The following TNFRSF10D variants were observed in gnomAD, a reference collection of about 807,000 sequenced individuals.
TNFRSF10D encodes the protein TNF receptor superfamily member 10d, also known as tumor necrosis factor receptor superfamily member 10D.
A neutral mutation model predicts 42.1 loss-of-function variants in TNFRSF10D; 28 were observed. The ratio of observed to expected loss-of-function variants is 0.66; its 90% CI spans 0.49 to 0.91. TNFRSF10D has a LOEUF of 0.91. Ranked by LOEUF, TNFRSF10D falls within the 40% of genes least tolerant of loss-of-function variation. TNFRSF10D has a pLI of 0.00. For missense variants in TNFRSF10D, 503 were observed against 486.1 expected (o/e 1.03, Z -0.33); for synonymous variants, 186 against 189.4 (o/e 0.98, Z 0.15).
intron 1 of TNFRSF10D, among the ~76,000 whole-genome samples, chr8:23,155,199 T>C (rs1800259343): frequency 6.6e-6 from 1 of 151,962 alleles, no homozygotes; most frequent in Non-Finnish European, 1.5e-5. Flanking sequence ...TATCATATTA[T>C]AACATAAAAT....
intron 7 of TNFRSF10D, among the ~76,000 whole-genome samples, chr8:23,142,802 T>C (rs1478484662): frequency 6.6e-6 from 1 of 152,186 alleles, no homozygotes; most frequent in African/African-American, 2.4e-5. Context: ...AAGTAATCCC[T>C]GTAATGTAAA....
intron 1 of TNFRSF10D, among the ~76,000 whole-genome samples, chr8:23,158,373 G>A (rs567235481): frequency 2.9e-4 from 44 of 152,268 alleles, no homozygotes; most frequent in Admixed American, 2.5e-3. Flanking sequence ...AGATAGCCAC[G>A]GCAGTTTTCT....
intron 6 of TNFRSF10D, 78 bp from the exon 7 acceptor site, chr8:23,144,713 C>T: frequency 6.6e-7 from 1 of 1,515,772 alleles, no homozygotes; most frequent in African/African-American, 1.4e-5. Flanking sequence ...CTGGACCTGC[C>T]ATCCCCAACC....
chr8:23,136,919 C>A lies in TNFRSF10D; in HGVS notation c.*951G>T, dbSNP rs1443920588. 1.3e-5 allele frequency: 2 copies of A among 152,130 alleles called. No individual in the cohort carries two copies. Among genetic ancestry groups the A allele is most frequent in the African/African-American group, 4.8e-5 (2 of 41,432 alleles). The allele number at this position is 152,130 out of a possible 1,614,324, so 9.4% of individuals were successfully genotyped here. A position where few individuals can be genotyped will look rare whatever the true frequency, so the allele number is the denominator to read the frequency against. On this transcript the variant is annotated 3_prime_UTR_variant, in exon 9 of 9. Coordinates refer to ENST00000312584, the MANE Select transcript of TNFRSF10D (RefSeq NM_003840.5). ...CAGTCTCAGGGCGCAGGAGGGAGAA[C>A]TGGAATGCAGTAAGTGCCTCCCACA...
intron 7 of TNFRSF10D, 148 bp downstream of exon 7, chr8:23,144,302 G>A (rs1800077502): frequency 2.3e-6 from 2 of 866,522 alleles, no homozygotes; most frequent in African/African-American, 3.4e-5. Context: ...CCACCTCAGT[G>A]CAGCTGCTCC....
intron 3 of TNFRSF10D, 131 bp from the exon 4 acceptor site, chr8:23,147,203 C>T: frequency 2.8e-6 from 2 of 710,296 alleles, no homozygotes; most frequent in Non-Finnish European, 4.9e-6. Context: ...GTTTCTGCAC[C>T]AGCACACTCG....
chr8:23,147,866 T>A (rs904807348), intron 3 of TNFRSF10D, among the ~76,000 whole-genome samples: 1 of 151,384 alleles, frequency 6.6e-6, no homozygotes, highest in Non-Finnish European at 1.5e-5. Flanking sequence ...ATCGAGACCA[T>A]CCTGGCTAAC....
intron 4 of TNFRSF10D, among the ~76,000 whole-genome samples, 182 bp from the exon 5 acceptor site, chr8:23,146,103 C>T (rs1186412494): frequency 6.6e-6 from 1 of 152,222 alleles, no homozygotes; most frequent in East Asian, 1.9e-4. Flanking sequence ...TGAGCATGCA[C>T]ACTTCAGCCC....
intron 7 of TNFRSF10D, among the ~76,000 whole-genome samples, chr8:23,140,331 T>G (rs553547926): frequency 6.6e-6 from 1 of 150,876 alleles, no homozygotes; most frequent in Non-Finnish European, 1.5e-5. Flanking sequence ...ACCAATAATG[T>G]TCAGGCTGAG....
chr8:23,142,884 T>C (rs1365649664), intron 7 of TNFRSF10D, among the ~76,000 whole-genome samples: 2 of 152,132 alleles, frequency 1.3e-5, no homozygotes, highest in Non-Finnish European at 2.9e-5. Flanking sequence ...TCACAAGAAA[T>C]TATCTGTTGT....
intron 5 of TNFRSF10D, 94 bp downstream of exon 5, chr8:23,145,574 C>T (rs907820711): frequency 3.2e-6 from 5 of 1,580,642 alleles, no homozygotes; most frequent in Non-Finnish European, 4.3e-6. Context: ...ACGCTTGGAC[C>T]AGGGGCAGGG....
At chr8:23,161,403 G>A (rs765960195) in intron 1 of TNFRSF10D, among the ~76,000 whole-genome samples, 395 of 151,272 alleles carry the variant, frequency 2.6e-3, no homozygotes, top group African/African-American at 8.6e-3. Context: ...ACAGTCCAAC[G>A]CTGACAGAGC....
At chr8:23,154,342 T>C (rs1287255910) in intron 2 of TNFRSF10D, among the ~76,000 whole-genome samples, 4 of 152,242 alleles carry the variant, frequency 2.6e-5, no homozygotes, top group African/African-American at 9.6e-5. Flanking sequence ...TGTACAGTCC[T>C]GCCTTCTATT....
intron 7 of TNFRSF10D, among the ~76,000 whole-genome samples, chr8:23,139,769 T>A (rs1462255295): frequency 6.6e-6 from 1 of 152,176 alleles, no homozygotes; most frequent in East Asian, 1.9e-4. Flanking sequence ...TTCTATACCT[T>A]GGAAACCCTA....
chr8:23,146,555 A>C (rs967695483), intron 4 of TNFRSF10D, among the ~76,000 whole-genome samples: 4 of 152,174 alleles, frequency 2.6e-5, no homozygotes, highest in African/African-American at 9.7e-5. Flanking sequence ...TGCCCACATA[A>C]AAAATATTAA....
chr8:23,139,519 T>G (rs1045382257), intron 7 of TNFRSF10D, among the ~76,000 whole-genome samples: 1 of 152,094 alleles, frequency 6.6e-6, no homozygotes, highest in Non-Finnish European at 1.5e-5. Flanking sequence ...AAGTTCCCAT[T>G]GGAACATGCC....
chr8:23,154,806 C>A, intron 2 of TNFRSF10D, 68 bp downstream of exon 2: 1 of 1,479,522 alleles, frequency 6.8e-7, no homozygotes, highest in Admixed American at 2.0e-5. Flanking sequence ...TCATGGTGTA[C>A]ACCATGAATA....
At chr8:23,143,914 A>G (rs147938648) in intron 7 of TNFRSF10D, among the ~76,000 whole-genome samples, 1,794 of 152,212 alleles carry the variant, frequency 0.012, 4 homozygotes, top group African/African-American at 0.021. Flanking sequence ...ACTCAATGTC[A>G]TATCAAAACT....
At chr8:23,153,144 A>G (rs113603636) in intron 2 of TNFRSF10D, among the ~76,000 whole-genome samples, 494 of 151,442 alleles carry the variant, frequency 3.3e-3, no homozygotes, top group African/African-American at 0.01. Flanking sequence ...TCAATAAATG[A>G]TGTAGAGGAA....
Sources: allele counts gnomAD v4.1 joint callset (sites outside exome capture counted in the v4.1 genomes callset), GRCh38; gene constraint gnomAD v4.1.1; transcripts MANE v1.5; gene names NCBI Gene and HGNC (gene_info 2026-07-23, HGNC 2026-07-21).